CAST: variants seen among roughly 807,000 people sequenced by gnomAD.
CAST encodes the protein calpastatin.
A neutral mutation model predicts 119.6 loss-of-function variants in CAST; 76 were observed. That is an observed-to-expected ratio of 0.64 (90% CI 0.53 to 0.77). The LOEUF is 0.77. Ranked by LOEUF, CAST falls within the 30% of genes least tolerant of loss-of-function variation. The pLI, the probability that CAST is intolerant of heterozygous loss-of-function variation, is 0.00. For synonymous variants in CAST, 319 were observed against 331.6 expected, an observed-to-expected ratio of 0.96 and a Z score of 0.41; for missense variants, 953 against 946.5, an observed-to-expected ratio of 1.01 and a Z score of -0.09.
At chr5:96,637,105 A>G (rs1327344411) in intron 1 of CAST, among the ~76,000 whole-genome samples, 2 of 152,196 alleles carry the variant, frequency 1.3e-5, no homozygotes, top group Non-Finnish European at 2.9e-5. Flanking sequence ...GACAGAATAT[A>G]GTGCTCTGAG....
At chr5:96,104,526 T>C in the CAST span, among the ~76,000 whole-genome samples, 1 of 151,940 alleles carries the variant, frequency 6.6e-6, no homozygotes, top group Admixed American at 6.6e-5. Flanking sequence ...CTCAGGTTTG[T>C]CAAAGATCAG....
At chr5:96,444,890 G>A in the CAST span, among the ~76,000 whole-genome samples, 1 of 152,228 alleles carries the variant, frequency 6.6e-6, no homozygotes, top group African/African-American at 2.4e-5. Flanking sequence ...GATCACAGTT[G>A]AGAGCGAGAA....
At chr5:96,130,293 T>C in the CAST span, among the ~76,000 whole-genome samples, 1 of 151,950 alleles carries the variant, frequency 6.6e-6, no homozygotes, top group Non-Finnish European at 1.5e-5. Flanking sequence ...TTTACGGATA[T>C]TCTACAAAAT....
In CAST at chr5:96,712,510, G is replaced by C. The variant is rs180964217; in HGVS notation, c.211-10129G>C. Among the ~76,000 whole-genome samples the C allele has an allele frequency of 8.6e-4, 131 of 152,190 alleles. 1 individual carries two copies. Among genetic ancestry groups the C allele is most frequent in the African/African-American group, 2.8e-3 (118 of 41,522 alleles). On this transcript the variant is annotated intron_variant, in intron 3 of 31. Coordinates refer to ENST00000675179, the MANE Select transcript of CAST (RefSeq NM_001750.7). ...CATACTTGGCTAATTTGATTCTTTT[G>C]TAGAGATGGGGTCTCACTATGCTGC...
At chr5:96,462,081 T>C in the CAST span, among the ~76,000 whole-genome samples, 3 of 152,134 alleles carry the variant, frequency 2.0e-5, no homozygotes, top group Non-Finnish European at 4.4e-5. Flanking sequence ...GTGAATGAAC[T>C]GTACCCATCC....
chr5:96,256,353 G>C, the CAST span, among the ~76,000 whole-genome samples: 1 of 134,158 alleles, frequency 7.5e-6, no homozygotes, highest in African/African-American at 3.0e-5. Flanking sequence ...TAAATATACA[G>C]TATATAAATA....
the CAST span, among the ~76,000 whole-genome samples, chr5:96,509,961 G>A: frequency 6.6e-6 from 1 of 152,084 alleles, no homozygotes; most frequent in African/African-American, 2.4e-5. Context: ...GAAAGAAACA[G>A]CAATAAAGTT....
chr5:96,704,364 T>C (rs930205550), intron 3 of CAST, among the ~76,000 whole-genome samples: 1 of 152,208 alleles, frequency 6.6e-6, no homozygotes, highest in African/African-American at 2.4e-5. Context: ...ACATCTGTAC[T>C]GCAATGAAAA....
intron 9 of CAST, among the ~76,000 whole-genome samples, chr5:96,735,924 T>C (rs937396166): frequency 6.6e-6 from 1 of 152,174 alleles, no homozygotes; most frequent in Non-Finnish European, 1.5e-5. Context: ...CTTCATTCTG[T>C]CCCTTACTGT....
upstream of CAST, among the ~76,000 whole-genome samples, chr5:96,657,525 G>T (rs565616309): frequency 2.6e-5 from 4 of 152,114 alleles, no homozygotes; most frequent in Non-Finnish European, 5.9e-5. Context: ...AATATGACAA[G>T]AATATGATAA....
At chr5:96,361,873 T>G in the CAST span, among the ~76,000 whole-genome samples, 5 of 148,276 alleles carry the variant, frequency 3.4e-5, no homozygotes, top group African/African-American at 1.0e-4. Flanking sequence ...CTAGGGTACA[T>G]GTGCACAACG....
chr5:96,402,360 CT>C, the CAST span, among the ~76,000 whole-genome samples: 2 of 152,214 alleles, frequency 1.3e-5, no homozygotes, highest in Non-Finnish European at 2.9e-5. Flanking sequence ...CGCAGGCCCC[CT>C]GGCCCCTCAT....
chr5:96,450,848 G>A, the CAST span, among the ~76,000 whole-genome samples: 1 of 152,158 alleles, frequency 6.6e-6, no homozygotes, highest in East Asian at 1.9e-4. Flanking sequence ...CTCTGTGCCA[G>A]ACATTTAGGG....
chr5:96,313,770 T>C, the CAST span, among the ~76,000 whole-genome samples: 1 of 152,214 alleles, frequency 6.6e-6, no homozygotes, highest in African/African-American at 2.4e-5. Flanking sequence ...CTCTTCAGCA[T>C]TTGGCACTGT....
At chr5:96,260,449 C>T in the CAST span, among the ~76,000 whole-genome samples, 25 of 152,184 alleles carry the variant, frequency 1.6e-4, no homozygotes, top group Admixed American at 1.1e-3. Context: ...CACTCACTCA[C>T]CCCTGCAGCT....
chr5:96,747,414 T>C, intron 18 of CAST, 22 bp downstream of exon 18: 1 of 1,495,588 alleles, frequency 6.7e-7, no homozygotes, highest in Non-Finnish European at 9.3e-7. Flanking sequence ...CATTTTTTTC[T>C]GATACTTAAA....
intron 1 of CAST, chr5:96,584,606 G>C (rs1455455451): frequency 6.6e-6 from 1 of 152,204 alleles, no homozygotes; most frequent in African/African-American, 2.4e-5. Context: ...GGTCTGAAAA[G>C]GCAAGTAGGA....
At chr5:96,436,220 C>G in the CAST span, among the ~76,000 whole-genome samples, 1 of 152,132 alleles carries the variant, frequency 6.6e-6, no homozygotes, top group Non-Finnish European at 1.5e-5. Flanking sequence ...TAGGGGCAAA[C>G]CTACCTATAG....
At chr5:96,502,466 T>G in the CAST span, among the ~76,000 whole-genome samples, 6 of 151,920 alleles carry the variant, frequency 3.9e-5, no homozygotes, top group Non-Finnish European at 8.8e-5. Flanking sequence ...ATTTTTTATT[T>G]CTTAAAATTA....
Sources: gnomAD v4.1 joint callset for allele counts (sites outside exome capture counted in the v4.1 genomes callset) on GRCh38, gnomAD v4.1.1 for gene constraint, MANE v1.5 for transcripts, NCBI Gene and HGNC (gene_info 2026-07-23, HGNC 2026-07-21) for gene names.